RTEL1: variants seen among roughly 807,000 people sequenced by gnomAD.
The protein encoded by RTEL1 is regulator of telomere length.
In RTEL1, 86 loss-of-function variants were observed where a neutral mutation model predicts 162.2. That is an observed-to-expected ratio of 0.53 (90% confidence interval 0.45 to 0.63). The LOEUF (loss-of-function observed/expected upper bound fraction) is 0.63. RTEL1 is among the 30% of genes least tolerant of loss of function. The probability of loss-of-function intolerance (pLI) is 0.00; values close to 1 mark genes in which losing one functional copy is unlikely to be tolerated. For synonymous variants in RTEL1, 958 were observed against 717.9 expected, an observed-to-expected ratio of 1.33 and a Z score of -5.35; for missense variants, 1,941 against 1,750.2, an observed-to-expected ratio of 1.11 and a Z score of -1.95.
Position 63,696,203 on chromosome 20 carries a change from A to C in RTEL1, c.*345A>C. 1.5e-5 allele frequency: 6 copies of C among 394,932 alleles called. No homozygotes were observed. Among genetic ancestry groups the C allele is most frequent in the East Asian group, 9.0e-5 (2 of 22,304 alleles). The allele number at this position is 394,932 out of a possible 1,614,324, so 24.5% of individuals were successfully genotyped here. A position where few individuals can be genotyped will look rare whatever the true frequency, so the allele number is the denominator to read the frequency against. ...CCCCGTGGGCACGTGTCCACTTTTA[A>C]TCAGGGGACAGGGCTCTCTAATAAA... On this transcript the variant is annotated 3_prime_UTR_variant, in exon 35 of 35. Coordinates refer to ENST00000360203, the MANE Select transcript of RTEL1 (RefSeq NM_001283009.2).
At chr20:63,659,838 A>T (rs952619059) in intron 2 of RTEL1, among the ~76,000 whole-genome samples, 3 of 152,236 alleles carry the variant, frequency 2.0e-5, no homozygotes, top group Non-Finnish European at 2.9e-5. Context: ...CTGCACCGGC[A>T]CCAGTCTCTG....
chr20:63,694,699 T>A, intron 31 of RTEL1, 42 bp from the exon 32 acceptor site: 1 of 1,503,672 alleles, frequency 6.7e-7, no homozygotes, highest in Non-Finnish European at 9.0e-7. Flanking sequence ...CTCTCAGTCC[T>A]CCACCCCAGC....
intron 12 of RTEL1, among the ~76,000 whole-genome samples, chr20:63,679,228 G>A (rs369966212): frequency 6.6e-6 from 1 of 152,192 alleles, no homozygotes; most frequent in South Asian, 2.1e-4. Flanking sequence ...CACAGCCGCC[G>A]AGGTGGAGCG....
intron 2 of RTEL1, among the ~76,000 whole-genome samples, chr20:63,660,213 G>A (rs201366557): frequency 6.6e-6 from 1 of 152,152 alleles, no homozygotes; most frequent in Non-Finnish European, 1.5e-5. Context: ...CCTCTATCTC[G>A]ACTGCAAGAG....
intron 20 of RTEL1, 32 bp from the exon 21 acceptor site, chr20:63,688,496 G>A: frequency 6.2e-7 from 1 of 1,607,108 alleles, no homozygotes. Flanking sequence ...GCGTGACCAG[G>A]GCTGCCGTGT....
chr20:63,681,024 G>C lies in RTEL1; in HGVS notation c.1191+305G>C, dbSNP rs1011496763. The C allele has an allele frequency of 6.1e-6, 6 of 985,400 alleles. No individual in the cohort carries two copies. In the African/African-American group the frequency reaches 1.0e-4, roughly 17 times the overall value. 61.0% of individuals were successfully genotyped at this position (985,400 alleles called of 1,614,324 possible). A position where few individuals can be genotyped will look rare whatever the true frequency, so the allele number is the denominator to read the frequency against. Reference sequence around the variant, plus strand: ...CTGTCCGGGCCCTCAGGCCAGGGGGGACCCACTGCTGGCAGCCCCAGCAGC... The same window carrying C: ...CTGTCCGGGCCCTCAGGCCAGGGGGCACCCACTGCTGGCAGCCCCAGCAGC... On this transcript the variant is annotated intron_variant, in intron 14 of 34. Coordinates refer to ENST00000360203, the MANE Select transcript of RTEL1 (RefSeq NM_001283009.2).
At chr20:63,693,918 A>C (rs1264067521) in intron 30 of RTEL1, among the ~76,000 whole-genome samples, 1 of 150,574 alleles carries the variant, frequency 6.6e-6, no homozygotes, top group African/African-American at 2.4e-5. Flanking sequence ...TGCACACGCC[A>C]GGGTCCTAGG....
chr20:63,674,278 C>T (rs1384988851), intron 10 of RTEL1, among the ~76,000 whole-genome samples, 185 bp downstream of exon 10: 2 of 152,240 alleles, frequency 1.3e-5, no homozygotes, highest in Non-Finnish European at 2.9e-5. Flanking sequence ...TGGGCACCAT[C>T]TATTCAGGCT....
At chr20:63,664,472 G>A (rs1421843535) in intron 6 of RTEL1, among the ~76,000 whole-genome samples, 1 of 152,152 alleles carries the variant, frequency 6.6e-6, no homozygotes, top group African/African-American at 2.4e-5. Flanking sequence ...ACCTGGTGGG[G>A]AGGCCTCTGA....
At chr20:63,689,255 G>A (rs948733942) in intron 22 of RTEL1, 123 bp downstream of exon 22, 19 of 1,012,358 alleles carry the variant, frequency 1.9e-5, no homozygotes, top group Admixed American at 6.9e-5. Flanking sequence ...CCACGAGAGC[G>A]ACTGCTGGCC....
In RTEL1 at chr20:63,694,499, C is replaced by G; in HGVS notation, c.3109+11C>G. ...GGCCACCCCCAACAGGTAGCTGACT[C>G]CTGAACCGTGTGCAGCCTACGACTT... On this transcript the variant is annotated intron_variant, in intron 31 of 34. Transcript: ENST00000360203. The G allele has an allele frequency of 1.9e-6, 3 of 1,577,852 alleles. No homozygotes were observed. Among genetic ancestry groups the G allele is most frequent in the Non-Finnish European group, 2.6e-6 (3 of 1,151,990 alleles).
At chr20:63,693,418 G>C in intron 30 of RTEL1, 135 bp downstream of exon 30, 2 of 1,014,168 alleles carry the variant, frequency 2.0e-6, no homozygotes, top group South Asian at 1.5e-5. Flanking sequence ...GGAGTGATGG[G>C]GGCCTCCACC....
Position 63,689,731 on chromosome 20 carries a change from G to T in RTEL1, c.2026-19G>T, listed in dbSNP as rs373125587. The T allele has an allele frequency of 6.2e-7, 1 of 1,608,736 alleles. No homozygotes were observed. Among genetic ancestry groups the T allele is most frequent in the Non-Finnish European group, 8.5e-7 (1 of 1,177,286 alleles). On this transcript the variant is annotated intron_variant, in intron 23 of 34. Transcript: ENST00000360203. ...CGTGGCCAAGGGAGCCCCCGTGACC[G>T]AGCCGCCTCGCCCCACAGTTCCTCT... is the stretch of plus-strand genomic sequence containing the variant.
At chr20:63,672,171 C>T (rs1421052311) in intron 8 of RTEL1, among the ~76,000 whole-genome samples, 9 of 152,150 alleles carry the variant, frequency 5.9e-5, no homozygotes, top group African/African-American at 9.7e-5. Context: ...CGTGAGCCAC[C>T]GCGCCTGGCT....
intron 14 of RTEL1, chr20:63,681,078 GAC>G (rs1430426397): frequency 7.1e-6 from 7 of 985,290 alleles, no homozygotes; most frequent in East Asian, 1.1e-4. Flanking sequence ...AAGAGCTCTG[GAC>G]ACACGCGGCT....
At chr20:63,689,994 G>C in intron 24 of RTEL1, 93 bp from the exon 25 acceptor site, 3 of 1,565,736 alleles carry the variant, frequency 1.9e-6, no homozygotes, top group Non-Finnish European at 2.6e-6. Context: ...GGGTCAGCGT[G>C]GGGCCCCTGC....
At chr20:63,679,271 A>G (rs1367458808) in intron 12 of RTEL1, among the ~76,000 whole-genome samples, 2 of 152,254 alleles carry the variant, frequency 1.3e-5, no homozygotes, top group East Asian at 1.9e-4. Context: ...GGTCGGGGGA[A>G]TCCCAGTTGC....
At chr20:63,693,370 T>A (rs1217250294) in intron 30 of RTEL1, 87 bp downstream of exon 30, 8 of 1,530,148 alleles carry the variant, frequency 5.2e-6, no homozygotes, top group African/African-American at 1.4e-5. Flanking sequence ...GTGGGCATCC[T>A]CGGGCCCTGC....
At position 63,695,469 on chromosome 20, in the gene RTEL1, C is replaced by T. The variant is rs759852939; in HGVS notation, c.3641C>T (p.Ala1214Val). ...QSSGPPHGPAASEWGEPHGRD... is the reference protein window; with the variant it reads ...QSSGPPHGPAVSEWGEPHGRD... ...TCAGGACCTCCCCACGGGCCTGCAG[C>T]ATCTGAGTGGGGTGAGCCTCATGGG... Residue 1214 changes from alanine to valine, a missense_variant, in exon 34 of 35, where the codon GCA (alanine) becomes GTA (valine). Coordinates refer to ENST00000360203, the MANE Select transcript of RTEL1 (RefSeq NM_001283009.2). 2.1e-5 allele frequency: 34 copies of T among 1,601,864 alleles called. 1 individual carries two copies. The South Asian group carries it at 3.7e-4, about 17-fold the overall frequency.
Sources: gnomAD v4.1 joint callset for allele counts (sites outside exome capture counted in the v4.1 genomes callset) on GRCh38, gnomAD v4.1.1 for gene constraint, MANE v1.5 for transcripts, NCBI Gene and HGNC (gene_info 2026-07-23, HGNC 2026-07-21) for gene names.